Variants in CSMD1 observed in about 807,000 individuals in gnomAD.
The protein encoded by CSMD1 is CUB and sushi domain-containing protein 1.
In CSMD1, 213 loss-of-function variants were observed where a neutral mutation model predicts 417.5. The observed-to-expected ratio is 0.51, with a 90% confidence interval of 0.46 to 0.57. CSMD1 has a LOEUF of 0.57. CSMD1 is among the 20% of genes least tolerant of loss of function. The pLI is 0.00. For missense variants in CSMD1, 6,923 were observed against 4,529.7 expected (o/e 1.53, Z -15.17); for synonymous variants, 2,862 against 1,736.8 (o/e 1.65, Z -16.11).
intron 3 of CSMD1, among the ~76,000 whole-genome samples, chr8:4,406,520 T>A (rs927390465): frequency 6.6e-6 from 1 of 152,172 alleles, no homozygotes; most frequent in African/African-American, 2.4e-5. Flanking sequence ...TTGATATTAC[T>A]TTTCATTCTA....
chr8:4,863,468 T>G (rs1166458920), intron 1 of CSMD1, among the ~76,000 whole-genome samples: 2 of 152,116 alleles, frequency 1.3e-5, no homozygotes, highest in African/African-American at 4.8e-5. Flanking sequence ...ATTTTTAAAT[T>G]TTATACATAT....
At chr8:4,907,306 C>G (rs974160817) in intron 1 of CSMD1, among the ~76,000 whole-genome samples, 1 of 152,072 alleles carries the variant, frequency 6.6e-6, no homozygotes, top group Non-Finnish European at 1.5e-5. Flanking sequence ...ACTATAAAAG[C>G]CAAAAGAACT....
chr8:4,341,160 T>C lies in CSMD1; in HGVS notation c.415+78793A>G, dbSNP rs142083662. The stretch of plus-strand genomic sequence containing the variant: ...GGCCTATCCAAGCATTTTGAATTAG[T>C]AGGCGTTGATCATCTATATTTGGGG... On this transcript the variant is annotated intron_variant, in intron 3 of 69. Transcript: ENST00000635120. Among the ~76,000 whole-genome samples, 38 of 152,202 alleles carry C rather than the reference T, an allele frequency of 2.5e-4. 1 individual carries two copies. Among genetic ancestry groups the C allele is most frequent in the Admixed American group, 6.6e-4 (10 of 15,266 alleles).
intron 23 of CSMD1, among the ~76,000 whole-genome samples, chr8:3,342,219 G>A (rs745935939): frequency 2.0e-5 from 3 of 152,118 alleles, no homozygotes; most frequent in Admixed American, 1.3e-4. Flanking sequence ...TTCTTCACCT[G>A]TGATTTTTTC....
At chr8:4,053,902 A>C (rs1387823231) in intron 3 of CSMD1, among the ~76,000 whole-genome samples, 1 of 152,186 alleles carries the variant, frequency 6.6e-6, no homozygotes, top group Admixed American at 6.6e-5. Context: ...CATAAATAAT[A>C]ATTAAGGGAA....
intron 5 of CSMD1, among the ~76,000 whole-genome samples, chr8:3,951,828 A>G (rs961043554): frequency 1.2e-4 from 19 of 152,148 alleles, no homozygotes; most frequent in African/African-American, 4.1e-4. Context: ...AGTAACTCAA[A>G]GTTAACCCAA....
At chr8:4,759,597 T>A (rs576824368) in intron 1 of CSMD1, among the ~76,000 whole-genome samples, 2 of 152,068 alleles carry the variant, frequency 1.3e-5, no homozygotes, top group African/African-American at 4.8e-5. Context: ...CCCATGTGTG[T>A]TGTTCCCCTC....
intron 4 of CSMD1, among the ~76,000 whole-genome samples, chr8:4,027,208 G>A (rs901147783): frequency 2.0e-5 from 3 of 152,170 alleles, no homozygotes; most frequent in African/African-American, 4.8e-5. Flanking sequence ...CCTGTTGAAG[G>A]TTTGTACTTT....
At chr8:3,864,167 T>C (rs557793562) in intron 5 of CSMD1, among the ~76,000 whole-genome samples, 3 of 152,330 alleles carry the variant, frequency 2.0e-5, no homozygotes, top group South Asian at 4.1e-4. Context: ...TTTAATATTA[T>C]AGGAAATCTG....
intron 1 of CSMD1, among the ~76,000 whole-genome samples, chr8:4,704,151 A>G (rs77578624): frequency 0.014 from 2,181 of 152,306 alleles, 57 homozygotes; most frequent in East Asian, 0.12. Context: ...GATCTAGCTA[A>G]ATACTCAAGC....
chr8:3,532,262 G>A (rs534556073), intron 10 of CSMD1, among the ~76,000 whole-genome samples: 1 of 152,172 alleles, frequency 6.6e-6, no homozygotes, highest in African/African-American at 2.4e-5. Context: ...GCCAGACAAT[G>A]AGGCCACTTC....
At chr8:4,224,926 T>C (rs1180110259) in intron 3 of CSMD1, among the ~76,000 whole-genome samples, 3 of 152,104 alleles carry the variant, frequency 2.0e-5, no homozygotes, top group East Asian at 3.9e-4. Flanking sequence ...GCCTTCCCAA[T>C]ATTGTGAAAC....
chr8:3,671,333 A>G (rs1345419233), intron 7 of CSMD1, among the ~76,000 whole-genome samples: 2 of 148,250 alleles, frequency 1.3e-5, no homozygotes, highest in African/African-American at 2.5e-5. Context: ...TGTGGAAATT[A>G]TTACATGCTG....
chr8:3,382,960 C>G (rs921042411), intron 18 of CSMD1, among the ~76,000 whole-genome samples: 7 of 152,134 alleles, frequency 4.6e-5, no homozygotes, highest in African/African-American at 1.7e-4. Flanking sequence ...ATGATGCTCA[C>G]AGGCATGGCC....
chr8:4,393,235 C>T (rs916984011), intron 3 of CSMD1, among the ~76,000 whole-genome samples: 1 of 152,102 alleles, frequency 6.6e-6, no homozygotes, highest in Non-Finnish European at 1.5e-5. Context: ...ATCAGCCTCC[C>T]AAAGTGCTGG....
Position 3,074,462 on chromosome 8 carries a change from C to A in CSMD1, c.7474+12635G>T, listed in dbSNP as rs1813507232. 5.3e-5 allele frequency among the ~76,000 whole-genome samples: 8 copies of A among 152,180 alleles called. No homozygotes were observed. In the South Asian group the frequency reaches 1.7e-3, roughly 32 times the overall value. ...ACCTCCTCTTAGGATTCTACCTTCA[C>A]CAGGCTCCTCAAACATAGAAGCTTC... On this transcript the variant is annotated intron_variant, in intron 49 of 69. Coordinates refer to ENST00000635120, the MANE Select transcript of CSMD1 (RefSeq NM_033225.6).
intron 10 of CSMD1, among the ~76,000 whole-genome samples, chr8:3,550,984 G>A (rs1236778911): frequency 1.3e-5 from 2 of 152,114 alleles, no homozygotes; most frequent in Admixed American, 6.5e-5. Context: ...TGAACAGTCA[G>A]ACCCCTTTCT....
chr8:4,145,646 C>G (rs1485179919), intron 3 of CSMD1, among the ~76,000 whole-genome samples: 1 of 150,844 alleles, frequency 6.6e-6, no homozygotes, highest in East Asian at 1.9e-4. Context: ...CACTTGGCCT[C>G]TCAAAGTGCT....
chr8:3,993,383 C>T (rs77457807), intron 5 of CSMD1, among the ~76,000 whole-genome samples: 6,905 of 152,114 alleles, frequency 0.045, 273 homozygotes, highest in Admixed American at 0.1. Flanking sequence ...AAATAGACAC[C>T]AAGTCAATTA....
Sources: allele counts gnomAD v4.1 joint callset (sites outside exome capture counted in the v4.1 genomes callset), GRCh38; gene constraint gnomAD v4.1.1; transcripts MANE v1.5; gene names NCBI Gene and HGNC (gene_info 2026-07-23, HGNC 2026-07-21).